The following FHIT variants were observed in gnomAD, a reference collection of about 807,000 sequenced individuals.
FHIT encodes the protein fragile histidine triad diadenosine triphosphatase.
FHIT carries 19 observed loss-of-function variants against 17.9 expected under a neutral mutation model. The observed-to-expected ratio is 1.06, with a 90% confidence interval of 0.74 to 1.56. The LOEUF (loss-of-function observed/expected upper bound fraction) is 1.56. Ranked by LOEUF, FHIT falls within the 40% of genes most tolerant of loss-of-function variation. The pLI is 0.00. For missense variants in FHIT, 248 were observed against 189.2 expected (o/e 1.31, Z -1.82); for synonymous variants, 81 against 69.7 (o/e 1.16, Z -0.81).
At chr3:60,168,592 C>T (rs1406021945) in intron 5 of FHIT, among the ~76,000 whole-genome samples, 2 of 152,142 alleles carry the variant, frequency 1.3e-5, no homozygotes, top group Non-Finnish European at 1.5e-5. Context: ...AAATAAAACC[C>T]AGTAATTCAT....
At chr3:60,215,461 G>T (rs1054895479) in intron 5 of FHIT, among the ~76,000 whole-genome samples, 1 of 152,098 alleles carries the variant, frequency 6.6e-6, no homozygotes, top group South Asian at 2.1e-4. Flanking sequence ...TACTAGGGAG[G>T]CTAAGGCAGG....
chr3:61,095,922 C>T (rs567157077), intron 2 of FHIT, among the ~76,000 whole-genome samples: 1 of 152,314 alleles, frequency 6.6e-6, no homozygotes, highest in East Asian at 1.9e-4. Flanking sequence ...TGGCTCAACG[C>T]TCACTTAACC....
At chr3:59,974,189 T>G (rs1045038375) in intron 7 of FHIT, among the ~76,000 whole-genome samples, 3 of 152,118 alleles carry the variant, frequency 2.0e-5, no homozygotes, top group Admixed American at 1.3e-4. Flanking sequence ...TTAGGCCAAG[T>G]TGTACCCCAA....
intron 5 of FHIT, among the ~76,000 whole-genome samples, chr3:60,462,596 T>A (rs191886490): frequency 1.3e-5 from 2 of 152,056 alleles, no homozygotes; most frequent in East Asian, 3.9e-4. Context: ...GGGAAGAGCA[T>A]CGAGGTAGGA....
rs76195357 is a variant in FHIT, at chr3:60,098,794, G to C, written c.104-84642C>G. On this transcript the variant is annotated intron_variant, in intron 5 of 9. Coordinates refer to ENST00000492590, the MANE Select transcript of FHIT (RefSeq NM_002012.4). ...ATAATACATACAACATACAAAATGT[G>C]TTAACTGATTGTGTTATCAGTAAGG... Among the ~76,000 whole-genome samples, 188 of 152,240 alleles carry C rather than the reference G, an allele frequency of 1.2e-3. 1 individual carries two copies. Among genetic ancestry groups the C allele is most frequent in the Non-Finnish European group, 1.6e-3 (110 of 68,020 alleles).
intron 5 of FHIT, among the ~76,000 whole-genome samples, chr3:60,271,098 T>G (rs1706844536): frequency 6.6e-6 from 1 of 152,134 alleles, no homozygotes; most frequent in African/African-American, 2.4e-5. Context: ...TTGAAGTCAC[T>G]AATAGCTTGT....
At chr3:60,201,865 A>T (rs1272290569) in intron 5 of FHIT, among the ~76,000 whole-genome samples, 1 of 152,040 alleles carries the variant, frequency 6.6e-6, no homozygotes, top group Admixed American at 6.6e-5. Flanking sequence ...AAAAAAATAG[A>T]ATGCTTTAGA....
At chr3:60,244,960 C>G (rs187821901) in intron 5 of FHIT, among the ~76,000 whole-genome samples, 133 of 152,098 alleles carry the variant, frequency 8.7e-4, no homozygotes, top group Admixed American at 2.6e-3. Context: ...TTAAAACATT[C>G]AGGTAGTGTG....
At chr3:60,958,170 T>C (rs1553779527) in intron 3 of FHIT, among the ~76,000 whole-genome samples, 1 of 152,216 alleles carries the variant, frequency 6.6e-6, no homozygotes, top group Non-Finnish European at 1.5e-5. Flanking sequence ...CTAAAAATCC[T>C]TCACAGCACC....
intron 5 of FHIT, among the ~76,000 whole-genome samples, chr3:60,287,474 TTC>T (rs1275500726): frequency 2.0e-5 from 3 of 152,172 alleles, no homozygotes; most frequent in African/African-American, 7.2e-5. Flanking sequence ...CAGCCAAAAT[TTC>T]TGTCTACTTC....
intron 2 of FHIT, among the ~76,000 whole-genome samples, chr3:61,115,770 G>A (rs1036364459): frequency 2.0e-5 from 3 of 152,136 alleles, no homozygotes; most frequent in African/African-American, 7.2e-5. Context: ...CACTCCGGCT[G>A]GCCATTGCAG....
At chr3:61,115,439 C>T (rs1337929144) in intron 2 of FHIT, among the ~76,000 whole-genome samples, 6 of 151,810 alleles carry the variant, frequency 4.0e-5, no homozygotes, top group Admixed American at 1.3e-4. Context: ...ATAGGTAGAG[C>T]CCAACTGTCC....
chr3:61,244,491 T>C (rs2040441341), intron 1 of FHIT, among the ~76,000 whole-genome samples: 2 of 152,118 alleles, frequency 1.3e-5, no homozygotes, highest in African/African-American at 4.8e-5. Flanking sequence ...GTTCAGGACA[T>C]ACTACCCTGA....
intron 7 of FHIT, among the ~76,000 whole-genome samples, chr3:59,932,555 A>G (rs1575720258): frequency 6.6e-6 from 1 of 152,218 alleles, no homozygotes; most frequent in Non-Finnish European, 1.5e-5. Context: ...CGATGGGTTT[A>G]TAAGACGGTA....
At chr3:60,543,907 C>CTTTTTTGTTTTTTTTT (rs2036270556) in intron 4 of FHIT, among the ~76,000 whole-genome samples, 1 of 52,076 alleles carries the variant, frequency 1.9e-5, no homozygotes, top group Non-Finnish European at 3.0e-5. Context: ...CCACGCCCGG[C>CTTTTTTGTTTTTTTTT]TTTTTTTTTT....
chr3:60,752,588 G>A (rs1433153038), intron 4 of FHIT, among the ~76,000 whole-genome samples: 1 of 152,158 alleles, frequency 6.6e-6, no homozygotes, highest in Non-Finnish European at 1.5e-5. Flanking sequence ...TGAACAATTC[G>A]AACCCACAAC....
chr3:60,697,798 A>T (rs2041148227), intron 4 of FHIT, among the ~76,000 whole-genome samples: 1 of 152,226 alleles, frequency 6.6e-6, no homozygotes, highest in Non-Finnish European at 1.5e-5. Flanking sequence ...ATTTACTTAA[A>T]GGAAGGCAAA....
chr3:60,626,803 T>TTTA (rs1553681106), intron 4 of FHIT, among the ~76,000 whole-genome samples: 19 of 67,406 alleles, frequency 2.8e-4, no homozygotes, highest in East Asian at 1.8e-3. Flanking sequence ...TTTTTTTTTT[T>TTTA]ACGTTAAGTA....
intron 5 of FHIT, among the ~76,000 whole-genome samples, chr3:60,363,504 G>A (rs906664235): frequency 1.3e-5 from 2 of 152,122 alleles, no homozygotes; most frequent in Non-Finnish European, 1.5e-5. Context: ...CCACAACTCT[G>A]ACTTGTATAC....
Sources: gnomAD v4.1 joint callset for allele counts (sites outside exome capture counted in the v4.1 genomes callset) on GRCh38, gnomAD v4.1.1 for gene constraint, MANE v1.5 for transcripts, NCBI Gene and HGNC (gene_info 2026-07-23, HGNC 2026-07-21) for gene names.